The following WDCP variants were observed in gnomAD, a reference collection of about 807,000 sequenced individuals.
The protein encoded by WDCP is WD repeat and coiled-coil-containing protein.
In WDCP, 19 loss-of-function variants were observed where a neutral mutation model predicts 41.6. That is an observed-to-expected ratio of 0.46 (90% CI 0.32 to 0.67). The LOEUF is 0.67. WDCP is among the 30% of genes least tolerant of loss of function. The pLI, the probability that WDCP is intolerant of heterozygous loss-of-function variation, is 0.04. For synonymous variants in WDCP, 302 were observed against 320.8 expected (o/e 0.94, Z 0.63); for missense variants, 802 against 850.7 (o/e 0.94, Z 0.71).
At chr2:24,034,208 G>C (rs980454642) in intron 2 of WDCP, among the ~76,000 whole-genome samples, 1 of 152,056 alleles carries the variant, frequency 6.6e-6, no homozygotes, top group Admixed American at 6.6e-5. Flanking sequence ...ATCACTTGAG[G>C]TCAGGAGTTC....
intron 1 of WDCP, among the ~76,000 whole-genome samples, chr2:24,044,795 T>C (rs1483382682): frequency 6.9e-6 from 1 of 145,762 alleles, no homozygotes; most frequent in Non-Finnish European, 1.5e-5. Flanking sequence ...GCATACTATG[T>C]GTTGTTGGGC....
Position 24,038,010 on chromosome 2 carries a change from A to G in WDCP, c.1485T>C (p.Leu495=). 2.5e-6 allele frequency: 4 copies of G among 1,614,174 alleles called. No individual in the cohort carries two copies. Among genetic ancestry groups the G allele is most frequent in the Non-Finnish European group, 3.4e-6 (4 of 1,180,020 alleles). ...ACAGAGGACTCTGGATTTCTTTAATAAGTGTTCTTCCAGGCCTTCCATTCT... is the reference window on the plus strand; with the variant it reads ...ACAGAGGACTCTGGATTTCTTTAATGAGTGTTCTTCCAGGCCTTCCATTCT... ...SSQNGRPGRT[L]IKEIQSPLSS... The change falls in exon 2 of 4, where the codon CTT becomes CTC. Residue 495 remains leucine (L), a synonymous_variant. Transcript: ENST00000295148.
intron 3 of WDCP, among the ~76,000 whole-genome samples, chr2:24,031,718 C>T (rs563650111): frequency 7.3e-5 from 11 of 151,554 alleles, no homozygotes; most frequent in African/African-American, 2.4e-4. Context: ...CCCAGCTACT[C>T]GGGAGGCTGA....
chr2:24,041,209 C>T (rs1663420281), intron 1 of WDCP, among the ~76,000 whole-genome samples: 1 of 151,524 alleles, frequency 6.6e-6, no homozygotes, highest in African/African-American at 2.4e-5. Context: ...CATGGTGGCG[C>T]ATGCCTGTAA....
chr2:24,044,305 C>T (rs1029704723), intron 1 of WDCP, among the ~76,000 whole-genome samples: 3 of 152,014 alleles, frequency 2.0e-5, no homozygotes, highest in South Asian at 4.2e-4. Flanking sequence ...AGTCTTGCTC[C>T]GTTACCCAGG....
At chr2:24,031,619 G>A (rs1427458091) in intron 3 of WDCP, among the ~76,000 whole-genome samples, 1 of 152,132 alleles carries the variant, frequency 6.6e-6, no homozygotes, top group East Asian at 1.9e-4. Context: ...GAGGTCAGGA[G>A]ATCGAGACCA....
Position 24,041,131 on chromosome 2 carries a change from G to A in WDCP, c.-18-1619C>T, listed in dbSNP as rs565704441. On this transcript the variant is annotated intron_variant, in intron 1 of 3. Coordinates refer to ENST00000295148, the MANE Select transcript of WDCP (RefSeq NM_025203.3). ...AGGCGGGTGGATCACCTGAGGTCAG[G>A]AGTTTGAGACCAGCCTGGCCAACAT... Among the ~76,000 whole-genome samples, 513 of 152,170 alleles carry A rather than the reference G, an allele frequency of 3.4e-3. 2 individuals are homozygous for A. In the Middle Eastern group the frequency reaches 0.041, roughly 12 times the overall value.
chr2:24,033,333 A>G, intron 2 of WDCP: 1 of 304,462 alleles, frequency 3.3e-6, no homozygotes. Flanking sequence ...ATGCCGAGAG[A>G]GTGTCCTAAG....
At chr2:24,039,938 C>T (rs1010786469) in intron 1 of WDCP, among the ~76,000 whole-genome samples, 2 of 152,042 alleles carry the variant, frequency 1.3e-5, no homozygotes, top group Admixed American at 1.3e-4. Context: ...GCTGGGATTA[C>T]AGGTGCCTGC....
intron 3 of WDCP, among the ~76,000 whole-genome samples, chr2:24,031,741 G>A (rs1375510443): frequency 6.6e-6 from 1 of 151,776 alleles, no homozygotes. Flanking sequence ...CAGGAGAATC[G>A]CTTGAACCCA....
intron 1 of WDCP, among the ~76,000 whole-genome samples, chr2:24,041,969 A>G (rs1367177670): frequency 6.6e-6 from 1 of 152,198 alleles, no homozygotes; most frequent in Admixed American, 6.5e-5. Flanking sequence ...AACATAAAAA[A>G]TACTATTTAA....
Position 24,038,361 on chromosome 2 carries a change from C to T in WDCP, c.1134G>A (p.Gln378=), listed in dbSNP as rs764589613. 6 of 1,613,982 alleles carry T rather than the reference C, an allele frequency of 3.7e-6. No individual in the cohort carries two copies. In the South Asian group the frequency reaches 6.6e-5, roughly 18 times the overall value. Reference sequence around the variant, plus strand: ...TTTCAGTGTTCTCTAATCGAATTTGCTGGATGTTTGGGACTGAAGATGGAA... The same window carrying T: ...TTTCAGTGTTCTCTAATCGAATTTGTTGGATGTTTGGGACTGAAGATGGAA... ...SVIPSSVPNI[Q]QIRLENTERP... Residue 378 remains glutamine, a synonymous_variant, in exon 2 of 4, where the codon CAG becomes CAA. Transcript: ENST00000295148.
chr2:24,031,522 A>G (rs1262095598), intron 3 of WDCP, among the ~76,000 whole-genome samples: 3 of 152,100 alleles, frequency 2.0e-5, no homozygotes, highest in African/African-American at 7.2e-5. Context: ...TAGAATGGCA[A>G]CTCCTCAAAG....
rs1305280452 is a variant in WDCP, at chr2:24,030,582, A to G, written c.*351T>C. ...CCAAGGTATCTTTTAAGTGCTCCTA[A>G]GACAGCTTCAATGCAGCTTTGGACA... On this transcript the variant is annotated 3_prime_UTR_variant, in exon 4 of 4. Transcript: ENST00000295148. 3.9e-5 allele frequency: 8 copies of G among 206,924 alleles called. No homozygotes were observed. Among genetic ancestry groups the G allele is most frequent in the Non-Finnish European group, 2.0e-5 (2 of 102,316 alleles). 12.8% of individuals were successfully genotyped at this position (206,924 alleles called of 1,614,324 possible). A position where few individuals can be genotyped will look rare whatever the true frequency, so the allele number is the denominator to read the frequency against.
In WDCP at chr2:24,031,020, A is replaced by C; in HGVS notation, c.2079T>G (p.Ala693=). 6.2e-7 allele frequency: 1 copy of C among 1,614,260 alleles called. No homozygotes were observed. Residue 693 remains alanine (A), a synonymous_variant, in exon 4 of 4, where the codon GCT becomes GCG. Coordinates refer to ENST00000295148, the MANE Select transcript of WDCP (RefSeq NM_025203.3). Reference sequence around the variant, plus strand: ...CTGTAAAGACTTTAAGAGAAGAAACAGCACCTGGACTGTGAGAAAAAGAGT... The same window carrying C: ...CTGTAAAGACTTTAAGAGAAGAAACCGCACCTGGACTGTGAGAAAAAGAGT... The part of the protein sequence containing the change: ...FRDSFSHSPG[A]VSSLKVFTGL...
intron 2 of WDCP, among the ~76,000 whole-genome samples, chr2:24,034,282 G>A (rs1038212108): frequency 6.6e-6 from 1 of 152,130 alleles, no homozygotes. Flanking sequence ...TTAGCTGGGT[G>A]TGGTGGTGCA....
At chr2:24,036,799 T>C (rs1256726837) in intron 2 of WDCP, among the ~76,000 whole-genome samples, 1 of 152,210 alleles carries the variant, frequency 6.6e-6, no homozygotes, top group Non-Finnish European at 1.5e-5. Context: ...CATACCTATA[T>C]ATCTATGTAC....
intron 2 of WDCP, 139 bp from the exon 3 acceptor site, chr2:24,033,085 G>C: frequency 1.4e-6 from 1 of 706,028 alleles, no homozygotes; most frequent in South Asian, 1.5e-5. Flanking sequence ...GTTTTAAGGA[G>C]CTCTTTGCTG....
intron 1 of WDCP, among the ~76,000 whole-genome samples, chr2:24,040,726 T>C (rs946514789): frequency 3.3e-5 from 5 of 152,208 alleles, no homozygotes; most frequent in African/African-American, 9.6e-5. Context: ...TAAAGAAGCA[T>C]ATGCTTAGGG....
Sources: gnomAD v4.1 joint callset for allele counts (sites outside exome capture counted in the v4.1 genomes callset) on GRCh38, gnomAD v4.1.1 for gene constraint, MANE v1.5 for transcripts, NCBI Gene and HGNC (gene_info 2026-07-23, HGNC 2026-07-21) for gene names.